Variants in SRGAP3 observed in about 807,000 individuals in gnomAD.
The protein encoded by SRGAP3 is SLIT-ROBO Rho GTPase activating protein 3, also known as SLIT-ROBO Rho GTPase-activating protein 3.
In SRGAP3, 39 loss-of-function variants were observed where a neutral mutation model predicts 121.1. The observed-to-expected ratio is 0.32, with a 90% CI of 0.25 to 0.42. The LOEUF (loss-of-function observed/expected upper bound fraction) is 0.42, where lower values mean the gene tolerates loss of function less well. SRGAP3 is among the 10% of genes least tolerant of loss of function. The probability of loss-of-function intolerance (pLI) is 1.00; values close to 1 mark genes in which losing one functional copy is unlikely to be tolerated. For synonymous variants in SRGAP3, 601 were observed against 570.0 expected (o/e 1.05, Z -0.77); for missense variants, 1,213 against 1,470.6 (o/e 0.82, Z 2.86).
intron 14 of SRGAP3, among the ~76,000 whole-genome samples, chr3:9,024,989 T>C (rs1434745897): frequency 4.6e-5 from 7 of 152,192 alleles, no homozygotes; most frequent in African/African-American, 1.4e-4. Context: ...GTGCTGGTGC[T>C]GGTGGTAGGT....
At chr3:9,015,820 C>G in intron 14 of SRGAP3, 89 bp from the exon 15 acceptor site, 1 of 1,543,150 alleles carries the variant, frequency 6.5e-7, no homozygotes, top group Non-Finnish European at 8.9e-7. Flanking sequence ...CTGGTCCAGC[C>G]TGAACCACAG....
chr3:9,068,029 G>A (rs1017052506), intron 4 of SRGAP3, among the ~76,000 whole-genome samples: 5 of 152,096 alleles, frequency 3.3e-5, no homozygotes, highest in Admixed American at 2.0e-4. Context: ...CCCCCTTCTC[G>A]ACATGTCCCT....
chr3:9,065,647 C>T (rs1946394740), intron 4 of SRGAP3: 1 of 152,212 alleles, frequency 6.6e-6, no homozygotes, highest in African/African-American at 2.4e-5. Context: ...TTCTGAGATT[C>T]ACTGATGGTG....
In SRGAP3 at chr3:9,064,686, G is replaced by A. The variant is rs1185561487; in HGVS notation, c.487-105C>T. 3 of 1,361,170 alleles carry A rather than the reference G, an allele frequency of 2.2e-6. No homozygotes were observed. In the African/African-American group the frequency reaches 4.3e-5, roughly 19 times the overall value. The allele number at this position is 1,361,170 out of a possible 1,614,324, so 84.3% of individuals were successfully genotyped here. A position where few individuals can be genotyped will look rare whatever the true frequency, so the allele number is the denominator to read the frequency against. On this transcript the variant is annotated intron_variant, in intron 4 of 21. Coordinates refer to ENST00000383836, the MANE Select transcript of SRGAP3 (RefSeq NM_014850.4). ...AAGTTCTACACTCTAGCTGGCCACTGCCCTGGTCCCAAAACACACTCTGGG... is the reference window on the plus strand; with the variant it reads ...AAGTTCTACACTCTAGCTGGCCACTACCCTGGTCCCAAAACACACTCTGGG...
chr3:9,257,317 G>A (rs1325231092), intron 3 of SRGAP3: 1 of 151,262 alleles, frequency 6.6e-6, no homozygotes, highest in Non-Finnish European at 1.5e-5. Flanking sequence ...TGGGATTAGT[G>A]CCCTTTGAAG....
rs532382957 is a variant in SRGAP3 at position 8,981,371 on chromosome 3, G to A, written c.*4148C>T. ...CCAGCCCAGCAGGGGCTAACCCCAT[G>A]GTTGTGAGCCAGCCACTCTTCTTTC... On this transcript the variant is annotated 3_prime_UTR_variant, in exon 22 of 22. Coordinates refer to ENST00000383836, the MANE Select transcript of SRGAP3 (RefSeq NM_014850.4). 1.8e-4 allele frequency: 41 copies of A among 232,750 alleles called. No homozygotes were observed. The highest frequency in any genetic ancestry group is 8.6e-4 in the African/African-American group (39 of 45,422). The allele number at this position is 232,750 out of a possible 1,614,324, so 14.4% of individuals were successfully genotyped here.
intron 3 of SRGAP3, among the ~76,000 whole-genome samples, chr3:9,096,207 TA>T (rs951434942): frequency 3.3e-5 from 5 of 152,204 alleles, no homozygotes; most frequent in African/African-American, 1.2e-4. Flanking sequence ...ATTATTTTTT[TA>T]AAAACCCAAA....
chr3:9,329,857 G>C (rs62244936), intron 2 of SRGAP3, among the ~76,000 whole-genome samples: 6,024 of 152,220 alleles, frequency 0.04, 152 homozygotes, highest in Middle Eastern at 0.088. Flanking sequence ...TCAGCAAAGA[G>C]TGCAAGGCAG....
chr3:9,075,857 G>A (rs1488651452), intron 4 of SRGAP3, among the ~76,000 whole-genome samples: 1 of 152,218 alleles, frequency 6.6e-6, no homozygotes, highest in Non-Finnish European at 1.5e-5. Flanking sequence ...CCCTAGCAAT[G>A]AAGCATGAAT....
In SRGAP3 at chr3:8,982,585, A is replaced by C. The variant is rs1941474170; in HGVS notation, c.*2934T>G. The C allele has an allele frequency of 4.5e-6, 1 of 221,820 alleles. No homozygotes were observed. Among genetic ancestry groups the C allele is most frequent in the African/African-American group, 2.2e-5 (1 of 44,652 alleles). 13.7% of individuals were successfully genotyped at this position (221,820 alleles called of 1,614,324 possible). Reference sequence around the variant, plus strand: ...AGCATTTAAGCAAATACAGCAATATATAGTGGACTAAAACAGGCAGGAGTC... The same window carrying C: ...AGCATTTAAGCAAATACAGCAATATCTAGTGGACTAAAACAGGCAGGAGTC... On this transcript the variant is annotated 3_prime_UTR_variant, in exon 22 of 22. Coordinates refer to ENST00000383836, the MANE Select transcript of SRGAP3 (RefSeq NM_014850.4).
intron 9 of SRGAP3, among the ~76,000 whole-genome samples, chr3:9,051,913 G>A (rs761746687): frequency 8.6e-5 from 13 of 151,990 alleles, no homozygotes; most frequent in Admixed American, 1.3e-4. Flanking sequence ...GGTTTTCACC[G>A]TGTTGCCCAG....
chr3:9,209,473 T>C (rs777569139), intron 1 of SRGAP3, among the ~76,000 whole-genome samples: 34 of 152,348 alleles, frequency 2.2e-4, no homozygotes, highest in Middle Eastern at 3.4e-3. Flanking sequence ...TTTTCACTTA[T>C]GAGATTAGAC....
chr3:9,251,119 G>A (rs1044580001), upstream of SRGAP3, among the ~76,000 whole-genome samples: 22 of 152,178 alleles, frequency 1.4e-4, no homozygotes, highest in Non-Finnish European at 2.4e-4. Context: ...TGCAGTGGGC[G>A]TCCCCAGGCA....
intron 3 of SRGAP3, among the ~76,000 whole-genome samples, chr3:9,096,946 T>C (rs111614992): frequency 1.6e-5 from 1 of 62,504 alleles, no homozygotes; most frequent in African/African-American, 9.0e-5. Context: ...TGTATATATA[T>C]ATATATATAT....
intron 1 of SRGAP3, among the ~76,000 whole-genome samples, chr3:9,342,486 G>A (rs936837466): frequency 3.9e-5 from 6 of 152,100 alleles, no homozygotes; most frequent in South Asian, 2.1e-4. Context: ...AAGTGTCACC[G>A]GAACTTTTCA....
chr3:9,094,284 A>T (rs1458946507), intron 3 of SRGAP3, among the ~76,000 whole-genome samples: 1 of 152,194 alleles, frequency 6.6e-6, no homozygotes, highest in Non-Finnish European at 1.5e-5. Context: ...AGCTTTATTC[A>T]CATTGATACT....
intron 18 of SRGAP3, among the ~76,000 whole-genome samples, chr3:8,997,834 A>G (rs1320484675): frequency 6.6e-6 from 1 of 152,112 alleles, no homozygotes; most frequent in East Asian, 1.9e-4. Context: ...TATAAACATC[A>G]GTATACTTTA....
intron 1 of SRGAP3, among the ~76,000 whole-genome samples, chr3:9,228,931 G>A (rs563506606): frequency 1.8e-4 from 27 of 151,596 alleles, no homozygotes; most frequent in South Asian, 1.5e-3. Context: ...GCGCGGTGGC[G>A]GGCGCCTGTA....
intron 11 of SRGAP3, 65 bp from the exon 12 acceptor site, chr3:9,032,817 T>A: frequency 6.8e-7 from 1 of 1,475,804 alleles, no homozygotes; most frequent in South Asian, 1.1e-5. Flanking sequence ...CTGGGAAAGA[T>A]GCTCTTAAAA....
Sources: allele counts gnomAD v4.1 joint callset (sites outside exome capture counted in the v4.1 genomes callset), GRCh38; gene constraint gnomAD v4.1.1; transcripts MANE v1.5; gene names NCBI Gene and HGNC (gene_info 2026-07-23, HGNC 2026-07-21).